PTPN3: variants seen among roughly 807,000 people sequenced by gnomAD.
PTPN3 encodes the protein protein tyrosine phosphatase non-receptor type 3.
In PTPN3, 96 loss-of-function variants were observed where a neutral mutation model predicts 132.7. The observed-to-expected ratio is 0.72, with a 90% CI of 0.61 to 0.86. The LOEUF is 0.86. Among genes scored for constraint, PTPN3 ranks in the 40% least tolerant of loss-of-function variants. PTPN3 has a pLI of 0.00. For missense variants in PTPN3, 1,125 were observed against 1,159.6 expected (o/e 0.97, Z 0.43); for synonymous variants, 398 against 429.0 (o/e 0.93, Z 0.89).
intron 5 of PTPN3, chr9:109,450,176 A>AAT (rs1186299831): frequency 4.1e-5 from 40 of 984,994 alleles, no homozygotes; most frequent in Non-Finnish European, 4.7e-5. Context: ...GATTATAATT[A>AAT]ACTACCCACA....
chr9:109,524,326 C>T, the PTPN3 span, among the ~76,000 whole-genome samples: 2 of 49,036 alleles, frequency 4.1e-5, no homozygotes, highest in East Asian at 3.3e-3. Context: ...TGCTGCTGTG[C>T]CTTTACAAAC....
chr9:109,449,533 C>G, intron 5 of PTPN3: 1 of 985,580 alleles, frequency 1.0e-6, no homozygotes, highest in Non-Finnish European at 1.2e-6. Context: ...TGGCAGGCCC[C>G]TCAGCCTGTG....
intron 14 of PTPN3, among the ~76,000 whole-genome samples, chr9:109,418,062 G>A (rs1480120778): frequency 6.6e-6 from 1 of 152,170 alleles, no homozygotes; most frequent in Non-Finnish European, 1.5e-5. Flanking sequence ...GGACTATGAA[G>A]GTCTAGATGC....
the PTPN3 span, among the ~76,000 whole-genome samples, chr9:109,520,573 C>T: frequency 9.6e-4 from 146 of 152,356 alleles, 1 homozygote; most frequent in African/African-American, 3.2e-3. Context: ...TGGGCTTCAA[C>T]TGTTCCCTCA....
intron 19 of PTPN3, among the ~76,000 whole-genome samples, chr9:109,398,588 T>G (rs1840787236): frequency 6.6e-6 from 1 of 152,214 alleles, no homozygotes; most frequent in African/African-American, 2.4e-5. Context: ...TGGTCTTTTG[T>G]AGCCACTGCT....
intron 6 of PTPN3, among the ~76,000 whole-genome samples, chr9:109,448,171 A>C (rs1446905991): frequency 1.3e-5 from 2 of 152,098 alleles, no homozygotes; most frequent in African/African-American, 4.8e-5. Flanking sequence ...CAGCTCCCTC[A>C]TGGTACAGCA....
chr9:109,486,092 A>G (rs1847192993), intron 1 of PTPN3, among the ~76,000 whole-genome samples: 1 of 152,228 alleles, frequency 6.6e-6, no homozygotes, highest in Non-Finnish European at 1.5e-5. Flanking sequence ...GATCTCCCCT[A>G]GAGTCCAGCC....
the PTPN3 span, among the ~76,000 whole-genome samples, chr9:109,510,905 G>A: frequency 4.6e-5 from 7 of 152,072 alleles, no homozygotes; most frequent in Non-Finnish European, 7.4e-5. Flanking sequence ...ATAATGCTAT[G>A]ACTAGTGATT....
intron 1 of PTPN3, among the ~76,000 whole-genome samples, chr9:109,467,929 T>G (rs1846180671): frequency 6.6e-6 from 1 of 152,206 alleles, no homozygotes; most frequent in African/African-American, 2.4e-5. Flanking sequence ...GACAATGTCA[T>G]AAATAGGTAT....
At chr9:109,471,273 G>T (rs183699876) in intron 1 of PTPN3, among the ~76,000 whole-genome samples, 331 of 152,256 alleles carry the variant, frequency 2.2e-3, no homozygotes, top group Non-Finnish European at 4.1e-3. Flanking sequence ...GCCTAGGCTG[G>T]TCTTGAACTC....
chr9:109,527,789 A>G, the PTPN3 span, among the ~76,000 whole-genome samples: 1 of 152,220 alleles, frequency 6.6e-6, no homozygotes, highest in Non-Finnish European at 1.5e-5. Context: ...AATAACTTCC[A>G]TTCATCAAAA....
the PTPN3 span, among the ~76,000 whole-genome samples, chr9:109,510,932 T>G: frequency 6.6e-6 from 1 of 152,196 alleles, no homozygotes; most frequent in Non-Finnish European, 1.5e-5. Flanking sequence ...TTCGTTTTTG[T>G]ATTTTTAAAA....
At chr9:109,533,270 G>A in the PTPN3 span, among the ~76,000 whole-genome samples, 1 of 149,882 alleles carries the variant, frequency 6.7e-6, no homozygotes, top group African/African-American at 2.5e-5. Flanking sequence ...TCAGCCTCCC[G>A]AGTAGCTGGG....
chr9:109,408,410 GTTTT>G (rs1405889028), intron 16 of PTPN3, 33 bp from the exon 17 acceptor site: 2 of 1,499,914 alleles, frequency 1.3e-6, no homozygotes, highest in South Asian at 2.5e-5. Flanking sequence ...ACAAAACAAA[GTTTT>G]TTAAGTTAAA....
intron 17 of PTPN3, among the ~76,000 whole-genome samples, chr9:109,407,082 A>C (rs1314842478): frequency 6.6e-6 from 1 of 152,250 alleles, no homozygotes; most frequent in African/African-American, 2.4e-5. Flanking sequence ...CACAGGAAAG[A>C]AAGCCTTCTG....
chr9:109,408,501 C>T (rs977248953), intron 16 of PTPN3, 124 bp from the exon 17 acceptor site: 7 of 631,130 alleles, frequency 1.1e-5, no homozygotes, highest in Non-Finnish European at 1.9e-5. Flanking sequence ...GTCTTTGGTA[C>T]AGGGAGGCTT....
chr9:109,394,851 A>G (rs1426988082), intron 19 of PTPN3, among the ~76,000 whole-genome samples: 4 of 152,196 alleles, frequency 2.6e-5, no homozygotes, highest in African/African-American at 9.7e-5. Flanking sequence ...ACAAAGAGGA[A>G]GAAACTGGCC....
intron 1 of PTPN3, among the ~76,000 whole-genome samples, chr9:109,492,105 A>AG (rs1219494401): frequency 1.3e-5 from 2 of 152,070 alleles, no homozygotes; most frequent in Admixed American, 1.3e-4. Flanking sequence ...AGAGCAGGGG[A>AG]GGGGACTCGG....
chr9:109,433,202 C>A lies in PTPN3; in HGVS notation c.676-41G>T. 3 of 1,610,736 alleles carry A rather than the reference C, an allele frequency of 1.9e-6. No homozygotes were observed. The South Asian group carries it at 3.3e-5, about 18-fold the overall frequency. ...TCTCAGATCCACAGCATGTTACAGT[C>A]ATGCTTATGCCCTCTGGTGACTTTA... On this transcript the variant is annotated intron_variant, in intron 9 of 25. Coordinates refer to ENST00000374541, the MANE Select transcript of PTPN3 (RefSeq NM_002829.4).
Sources: gnomAD v4.1 joint callset for allele counts (sites outside exome capture counted in the v4.1 genomes callset) on GRCh38, gnomAD v4.1.1 for gene constraint, MANE v1.5 for transcripts, NCBI Gene and HGNC (gene_info 2026-07-23, HGNC 2026-07-21) for gene names.